Variants in SLC24A3 observed in about 807,000 individuals in gnomAD.
SLC24A3 encodes solute carrier family 24 member 3.
In SLC24A3, 28 loss-of-function variants were observed where a neutral mutation model predicts 75.8. The ratio of observed to expected loss-of-function variants is 0.37; its 90% confidence interval spans 0.27 to 0.51. SLC24A3 has a LOEUF of 0.51. SLC24A3 is among the 20% of genes least tolerant of loss of function. SLC24A3 has a pLI of 0.94. For missense variants in SLC24A3, 663 were observed against 847.8 expected (o/e 0.78, Z 2.71); for synonymous variants, 372 against 334.1 (o/e 1.11, Z -1.24).
intron 1 of SLC24A3, among the ~76,000 whole-genome samples, chr20:19,267,891 A>G (rs566091893): frequency 6.6e-6 from 1 of 152,168 alleles, no homozygotes; most frequent in Non-Finnish European, 1.5e-5. Context: ...CTTCCCAGAA[A>G]AGGTTAGCAT....
At chr20:19,472,930 G>A (rs1379327383) in intron 2 of SLC24A3, among the ~76,000 whole-genome samples, 3 of 152,234 alleles carry the variant, frequency 2.0e-5, no homozygotes, top group African/African-American at 7.2e-5. Flanking sequence ...TTGTAAGAAC[G>A]AGGCTGGGAA....
rs1331155930 is a variant in SLC24A3 at position 19,562,997 on chromosome 20, CT to C, written c.349-17002del. ...CAAAGCTAGATTGTAGGGTGACCCC[CT>C]GAGCACCTTCTCAGGGTGCCAATCT... On this transcript the variant is annotated intron_variant, in intron 3 of 16. Transcript: ENST00000328041. Among the ~76,000 whole-genome samples, 3 of 152,286 alleles carry C rather than the reference CT, an allele frequency of 2.0e-5. No individual in the cohort carries two copies. In the East Asian group the frequency reaches 5.8e-4, roughly 29 times the overall value.
At chr20:19,633,464 C>A (rs970419687) in intron 6 of SLC24A3, among the ~76,000 whole-genome samples, 5 of 151,824 alleles carry the variant, frequency 3.3e-5, no homozygotes, top group East Asian at 3.9e-4. Context: ...CCCGGCTAAA[C>A]CGGTGAAACC....
At chr20:19,223,908 G>A (rs1370751848) in intron 1 of SLC24A3, among the ~76,000 whole-genome samples, 1 of 152,172 alleles carries the variant, frequency 6.6e-6, no homozygotes, top group Non-Finnish European at 1.5e-5. Context: ...CTGGACAAAG[G>A]GATGATTTAT....
At chr20:19,247,990 T>C (rs1035466452) in intron 1 of SLC24A3, among the ~76,000 whole-genome samples, 1 of 152,168 alleles carries the variant, frequency 6.6e-6, no homozygotes, top group Admixed American at 6.5e-5. Flanking sequence ...TGATTGAGAG[T>C]ATTCCATGGA....
chr20:19,633,995 A>G (rs2031969645), intron 6 of SLC24A3, among the ~76,000 whole-genome samples: 1 of 152,120 alleles, frequency 6.6e-6, no homozygotes, highest in Admixed American at 6.5e-5. Context: ...CTCTTTCTAT[A>G]TCTGCCATAA....
intron 11 of SLC24A3, 103 bp downstream of exon 11, chr20:19,684,439 TTAACACCGC>T: frequency 1.5e-6 from 2 of 1,317,666 alleles, no homozygotes; most frequent in Non-Finnish European, 2.1e-6. Flanking sequence ...AACTCAAAGT[TTAACACCGC>T]AGCATCCCTC....
chr20:19,446,933 G>A (rs1221654880), intron 2 of SLC24A3, among the ~76,000 whole-genome samples: 1 of 152,138 alleles, frequency 6.6e-6, no homozygotes, highest in South Asian at 2.1e-4. Context: ...TTGGCATTAG[G>A]CCTAACACTT....
chr20:19,624,853 C>A (rs888463612), intron 6 of SLC24A3, among the ~76,000 whole-genome samples: 2 of 152,208 alleles, frequency 1.3e-5, no homozygotes, highest in Non-Finnish European at 2.9e-5. Flanking sequence ...TATCATTTAT[C>A]TATTGCTATG....
intron 3 of SLC24A3, among the ~76,000 whole-genome samples, chr20:19,527,239 C>T (rs968990305): frequency 2.0e-5 from 3 of 152,206 alleles, no homozygotes; most frequent in Admixed American, 1.3e-4. Flanking sequence ...TGTCCTGTAA[C>T]ATGTCCTTCC....
intron 6 of SLC24A3, among the ~76,000 whole-genome samples, chr20:19,619,144 A>T (rs1171768618): frequency 6.6e-6 from 1 of 152,218 alleles, no homozygotes; most frequent in Non-Finnish European, 1.5e-5. Flanking sequence ...ATAAGGAGCC[A>T]GCTCAGCAAT....
Position 19,323,805 on chromosome 20 carries a change from T to A in SLC24A3, c.271+42718T>A, listed in dbSNP as rs578168411. Among the ~76,000 whole-genome samples, 7 of 152,344 alleles carry A rather than the reference T, an allele frequency of 4.6e-5. No individual in the cohort carries two copies. The South Asian group carries it at 1.2e-3, about 27-fold the overall frequency. On this transcript the variant is annotated intron_variant, in intron 2 of 16. Coordinates refer to ENST00000328041, the MANE Select transcript of SLC24A3 (RefSeq NM_020689.4). ...TTCATTTGCTGAGATGGCAGAAGAA[T>A]AAGCTTTAGCTGGAAAATTGTTCCT...
chr20:19,276,964 G>A lies in SLC24A3; in HGVS notation c.143-3995G>A, dbSNP rs145880178. Among the ~76,000 whole-genome samples, 429 of 152,188 alleles carry A rather than the reference G, an allele frequency of 2.8e-3. 4 individuals are homozygous for A. Among genetic ancestry groups the A allele is most frequent in the African/African-American group, 9.7e-3 (402 of 41,500 alleles). On this transcript the variant is annotated intron_variant, in intron 1 of 16. Coordinates refer to ENST00000328041, the MANE Select transcript of SLC24A3 (RefSeq NM_020689.4). ...ACGCTGACAGAAATGTCATTTTGCA[G>A]TGCATGACTGTAATTTCTGAGGAAA...
intron 2 of SLC24A3, among the ~76,000 whole-genome samples, chr20:19,398,454 T>C (rs1311199445): frequency 2.0e-5 from 3 of 152,172 alleles, no homozygotes; most frequent in Non-Finnish European, 4.4e-5. Flanking sequence ...ATTTTTGATA[T>C]TTTGTTTTCA....
At chr20:19,536,641 G>A (rs1230646557) in intron 3 of SLC24A3, among the ~76,000 whole-genome samples, 1 of 152,194 alleles carries the variant, frequency 6.6e-6, no homozygotes, top group Non-Finnish European at 1.5e-5. Flanking sequence ...CAAGGCTGCA[G>A]TAACCAAAAC....
intron 2 of SLC24A3, among the ~76,000 whole-genome samples, chr20:19,388,361 C>T (rs1986306924): frequency 6.6e-6 from 1 of 152,124 alleles, no homozygotes; most frequent in African/African-American, 2.4e-5. Flanking sequence ...TATATAATGA[C>T]CTTTTTTGTC....
At chr20:19,477,002 G>A (rs186658512) in intron 2 of SLC24A3, among the ~76,000 whole-genome samples, 64 of 152,208 alleles carry the variant, frequency 4.2e-4, no homozygotes, top group African/African-American at 1.3e-3. Context: ...ACGGGTGTCA[G>A]CTGAGCTGGG....
intron 6 of SLC24A3, among the ~76,000 whole-genome samples, chr20:19,633,643 C>T (rs1286035272): frequency 1.1e-4 from 11 of 98,398 alleles, no homozygotes; most frequent in African/African-American, 4.2e-4. Flanking sequence ...AGCGAGACTC[C>T]GTCTCAAAAA....
At chr20:19,235,941 TG>T (rs1982153074) in intron 1 of SLC24A3, among the ~76,000 whole-genome samples, 1 of 152,334 alleles carries the variant, frequency 6.6e-6, no homozygotes, top group African/African-American at 2.4e-5. Context: ...GCATGAACGC[TG>T]GGTGACAAAC....
Sources: allele counts gnomAD v4.1 joint callset (sites outside exome capture counted in the v4.1 genomes callset), GRCh38; gene constraint gnomAD v4.1.1; transcripts MANE v1.5; gene names NCBI Gene and HGNC (gene_info 2026-07-23, HGNC 2026-07-21).